The following SYNE1 variants were observed in gnomAD, a reference collection of about 807,000 sequenced individuals.
SYNE1 encodes the protein spectrin repeat containing nuclear envelope protein 1, also known as nesprin-1.
In SYNE1, 616 loss-of-function variants were observed where a neutral mutation model predicts 1,111.0. That is an observed-to-expected ratio of 0.55 (90% CI 0.52 to 0.59). SYNE1 has a LOEUF of 0.59. Ranked by LOEUF, SYNE1 falls within the 20% of genes least tolerant of loss-of-function variation. The pLI, the probability that SYNE1 is intolerant of heterozygous loss-of-function variation, is 0.00. For synonymous variants in SYNE1, 3,855 were observed against 3,825.8 expected, an observed-to-expected ratio of 1.01 and a Z score of -0.28; for missense variants, 10,006 against 10,417.0, an observed-to-expected ratio of 0.96 and a Z score of 1.72.
At position 152,291,242 on chromosome 6, in the gene SYNE1, A is replaced by T. The variant is rs957506987; in HGVS notation, c.18012+2346T>A. On this transcript the variant is annotated intron_variant, in intron 95 of 145. Coordinates refer to ENST00000367255, the MANE Select transcript of SYNE1 (RefSeq NM_182961.4). ...TTAATATGATATATTAATATATGCA[A>T]TTATATTAATATGATATATTAATAT... 5.5e-4 allele frequency among the ~76,000 whole-genome samples: 73 copies of T among 133,418 alleles called. 1 individual carries two copies. The highest frequency in any genetic ancestry group is 2.0e-3 in the African/African-American group (70 of 35,844). 87.5% of individuals were successfully genotyped at this position (133,418 alleles called of 152,430 possible). A position where few individuals can be genotyped will look rare whatever the true frequency, so the allele number is the denominator to read the frequency against.
chr6:152,374,891 C>T (rs1238503385), intron 58 of SYNE1, among the ~76,000 whole-genome samples: 4 of 151,772 alleles, frequency 2.6e-5, no homozygotes, highest in African/African-American at 4.8e-5. Flanking sequence ...TGAAGCAAAA[C>T]GGGAAGAATT....
intron 127 of SYNE1, among the ~76,000 whole-genome samples, chr6:152,198,563 C>T (rs975818485): frequency 3.3e-5 from 5 of 152,166 alleles, no homozygotes; most frequent in Non-Finnish European, 7.3e-5. Context: ...CCTCACTAAG[C>T]TTAATCATTT....
At chr6:152,278,031 A>G (rs1380785133) in intron 98 of SYNE1, 58 bp downstream of exon 98, 4 of 1,590,710 alleles carry the variant, frequency 2.5e-6, no homozygotes, top group Non-Finnish European at 3.4e-6. Context: ...AAACCTTAGA[A>G]GGAGCACGTG....
At chr6:152,167,340 A>G (rs2063871555) in intron 130 of SYNE1, among the ~76,000 whole-genome samples, 2 of 152,226 alleles carry the variant, frequency 1.3e-5, no homozygotes, top group African/African-American at 4.8e-5. Flanking sequence ...TAGTATATCC[A>G]TAACCCAAAA....
intron 51 of SYNE1, among the ~76,000 whole-genome samples, chr6:152,394,439 A>T (rs2097699166): frequency 6.6e-6 from 1 of 152,236 alleles, no homozygotes; most frequent in Admixed American, 6.5e-5. Flanking sequence ...AGCCAAAGCC[A>T]AGCTGCACTT....
intron 128 of SYNE1, among the ~76,000 whole-genome samples, chr6:152,181,857 T>C (rs552044571): frequency 6.6e-6 from 1 of 152,324 alleles, no homozygotes; most frequent in African/African-American, 2.4e-5. Context: ...CACTATAGAT[T>C]GTTTTCCAAA....
intron 3 of SYNE1, among the ~76,000 whole-genome samples, chr6:152,541,911 T>C (rs1259639523): frequency 2.0e-5 from 3 of 151,826 alleles, no homozygotes; most frequent in Non-Finnish European, 2.9e-5. Context: ...AATTTACTCA[T>C]GTAACAAACC....
intron 126 of SYNE1, among the ~76,000 whole-genome samples, chr6:152,203,320 A>G (rs1436923588): frequency 1.3e-5 from 2 of 152,208 alleles, no homozygotes; most frequent in Non-Finnish European, 1.5e-5. Context: ...CACCTTATCT[A>G]CACATTAACT....
chr6:152,441,252 C>G lies in SYNE1; in HGVS notation c.4027G>C (p.Glu1343Gln). ...GTTTCTTTGTTTGTTTCAAATCGCT[C>G]CCATTTTCTTAATGTGACCTAAATT... Reference protein sequence around the residue: ...RRIQVTLRKWERFETNKETVV... With the variant: ...RRIQVTLRKWQRFETNKETVV... Residue 1343 changes from glutamate to glutamine, a missense_variant, in exon 32 of 146, where the codon GAG (glutamate) becomes CAG (glutamine). Around this residue, in one of 7 missense-constraint regions of SYNE1, gnomAD observed 1,971 missense variants for 2,084.1 expected, o/e 0.95. Transcript: ENST00000367255. 1 of 1,608,910 alleles carries G rather than the reference C, an allele frequency of 6.2e-7. No individual in the cohort carries two copies. Among genetic ancestry groups the G allele is most frequent in the Non-Finnish European group, 8.5e-7 (1 of 1,176,718 alleles).
intron 4 of SYNE1, among the ~76,000 whole-genome samples, chr6:152,530,468 GTTT>G (rs71017540): frequency 0.19 from 25,932 of 137,320 alleles, 2,409 homozygotes; most frequent in Middle Eastern, 0.32. Context: ...TAATTGTATG[GTTT>G]TTTTTTTTTT....
intron 7 of SYNE1, among the ~76,000 whole-genome samples, chr6:152,510,750 A>G (rs1019166242): frequency 2.0e-5 from 3 of 152,178 alleles, no homozygotes; most frequent in Admixed American, 2.0e-4. Context: ...ACAATATTTC[A>G]TCTCCATCTT....
At chr6:152,323,840 G>A (rs1590069261) in intron 81 of SYNE1, 103 bp from the exon 82 acceptor site, 1 of 1,338,840 alleles carries the variant, frequency 7.5e-7, no homozygotes, top group East Asian at 2.4e-5. Context: ...GCCAATTAAA[G>A]ATGATGATAT....
intron 71 of SYNE1, 132 bp downstream of exon 71, chr6:152,350,486 A>G (rs1247926928): frequency 6.8e-7 from 1 of 1,467,096 alleles, no homozygotes; most frequent in Non-Finnish European, 9.5e-7. Flanking sequence ...CATTATGCCA[A>G]TTAAATATCC....
intron 5 of SYNE1, among the ~76,000 whole-genome samples, chr6:152,522,122 G>A (rs566309210): frequency 2.0e-5 from 3 of 151,598 alleles, no homozygotes; most frequent in East Asian, 1.9e-4. Context: ...TTGGTTTTTC[G>A]TTACATGAAG....
intron 127 of SYNE1, among the ~76,000 whole-genome samples, chr6:152,197,868 T>C (rs1463948424): frequency 6.6e-6 from 1 of 152,192 alleles, no homozygotes; most frequent in East Asian, 1.9e-4. Context: ...ACAAGAGAGT[T>C]AGCCTTTTCT....
chr6:152,546,921 A>C (rs1370615455), intron 3 of SYNE1: 1 of 152,140 alleles, frequency 6.6e-6, no homozygotes, highest in Non-Finnish European at 1.5e-5. Context: ...CTTTACCCTG[A>C]TTTCACCTAG....
chr6:152,367,773 A>T (rs977042692), intron 61 of SYNE1: 6 of 236,620 alleles, frequency 2.5e-5, no homozygotes, highest in Non-Finnish European at 4.2e-5. Context: ...TCTAAAAAAA[A>T]AATAATCTGA....
intron 81 of SYNE1, among the ~76,000 whole-genome samples, chr6:152,324,116 G>T (rs1041513561): frequency 6.6e-6 from 1 of 152,194 alleles, no homozygotes; most frequent in East Asian, 1.9e-4. Context: ...GGAAAAAGCT[G>T]CCAGGCATGT....
intron 12 of SYNE1, among the ~76,000 whole-genome samples, chr6:152,486,660 G>C (rs2098942215): frequency 6.6e-6 from 1 of 152,096 alleles, no homozygotes. Flanking sequence ...TCTCAGCCCA[G>C]AAAATTTTAT....
Sources: gnomAD v4.1 joint callset for allele counts (sites outside exome capture counted in the v4.1 genomes callset) on GRCh38, gnomAD v4.1.1 for gene constraint, gnomAD v4.1.1 regional missense constraint, MANE v1.5 for transcripts, NCBI Gene and HGNC (gene_info 2026-07-23, HGNC 2026-07-21) for gene names.